CSMD1: variants seen among roughly 807,000 people sequenced by gnomAD.
CSMD1 encodes CUB and sushi domain-containing protein 1.
A neutral mutation model predicts 417.5 loss-of-function variants in CSMD1; 213 were observed. That is an observed-to-expected ratio of 0.51 (90% CI 0.46 to 0.57). CSMD1 has a LOEUF of 0.57. Among genes scored for constraint, CSMD1 ranks in the 20% least tolerant of loss-of-function variants. CSMD1 has a pLI of 0.00. For synonymous variants in CSMD1, 2,862 were observed against 1,736.8 expected (o/e 1.65, Z -16.11); for missense variants, 6,923 against 4,529.7 (o/e 1.53, Z -15.17).
chr8:3,114,472 T>A (rs1050031937), intron 42 of CSMD1, among the ~76,000 whole-genome samples: 1 of 150,230 alleles, frequency 6.7e-6, no homozygotes, highest in Non-Finnish European at 1.5e-5. Flanking sequence ...TATAAAAATA[T>A]CTTGACTCTC....
At chr8:4,316,927 G>A (rs557547983) in intron 3 of CSMD1, among the ~76,000 whole-genome samples, 4 of 150,824 alleles carry the variant, frequency 2.7e-5, no homozygotes, top group African/African-American at 7.3e-5. Flanking sequence ...GCCAGGTACT[G>A]AATGAAAATA....
intron 3 of CSMD1, among the ~76,000 whole-genome samples, chr8:4,184,699 G>C (rs1198423425): frequency 6.6e-6 from 1 of 152,158 alleles, no homozygotes; most frequent in Non-Finnish European, 1.5e-5. Flanking sequence ...CCAGAGGTTG[G>C]AAGGTGGGAG....
At chr8:3,183,008 T>A (rs1404734457) in intron 36 of CSMD1, 4 of 148,538 alleles carry the variant, frequency 2.7e-5, no homozygotes, top group African/African-American at 1.0e-4. Flanking sequence ...TCCGCCCGCC[T>A]CAGCCTCCCA....
At chr8:3,087,357 G>A (rs1169131987) in intron 48 of CSMD1, 72 bp from the exon 49 acceptor site, 1 of 1,475,836 alleles carries the variant, frequency 6.8e-7, no homozygotes. Flanking sequence ...GCCTTTGTGA[G>A]AGTCTATAAA....
intron 1 of CSMD1, among the ~76,000 whole-genome samples, chr8:4,964,957 T>G (rs2117352048): frequency 6.6e-6 from 1 of 152,296 alleles, no homozygotes; most frequent in African/African-American, 2.4e-5. Context: ...GCATATGTAC[T>G]TGCTACCTAT....
intron 9 of CSMD1, among the ~76,000 whole-genome samples, chr8:3,577,501 G>C (rs1473083793): frequency 6.6e-6 from 1 of 152,034 alleles, no homozygotes. Context: ...CCATCAAAAT[G>C]GTCATCTAAA....
intron 7 of CSMD1, among the ~76,000 whole-genome samples, chr8:3,641,084 C>T (rs538723631): frequency 1.6e-5 from 2 of 124,536 alleles, no homozygotes; most frequent in Admixed American, 9.9e-5. Flanking sequence ...TGATTCAGGA[C>T]TCTGAGAAAG....
At chr8:4,569,292 C>A (rs1313122793) in intron 2 of CSMD1, among the ~76,000 whole-genome samples, 1 of 152,186 alleles carries the variant, frequency 6.6e-6, no homozygotes, top group African/African-American at 2.4e-5. Context: ...ACATTTAAGT[C>A]TTTAATCCAT....
intron 5 of CSMD1, among the ~76,000 whole-genome samples, chr8:3,763,693 A>T (rs1278026683): frequency 6.6e-6 from 1 of 152,304 alleles, no homozygotes; most frequent in East Asian, 1.9e-4. Context: ...CTTTGTGGCT[A>T]AACAGTGTCA....
At chr8:3,456,152 C>T (rs948929579) in intron 12 of CSMD1, among the ~76,000 whole-genome samples, 1 of 152,186 alleles carries the variant, frequency 6.6e-6, no homozygotes, top group African/African-American at 2.4e-5. Flanking sequence ...TTGCTAAGAC[C>T]TTTAGAAAAG....
At chr8:4,005,498 A>C (rs1241049308) in intron 4 of CSMD1, among the ~76,000 whole-genome samples, 2 of 152,160 alleles carry the variant, frequency 1.3e-5, no homozygotes, top group East Asian at 1.9e-4. Flanking sequence ...CCAGTTTCAA[A>C]TCATGTGGCG....
intron 1 of CSMD1, among the ~76,000 whole-genome samples, chr8:4,877,146 G>C (rs1433741133): frequency 1.3e-5 from 2 of 151,740 alleles, no homozygotes; most frequent in Non-Finnish European, 2.9e-5. Context: ...TCTTTTTCAT[G>C]ACACATTTTA....
chr8:3,347,876 C>A, intron 22 of CSMD1, 116 bp downstream of exon 22: 2 of 633,374 alleles, frequency 3.2e-6, no homozygotes, highest in Non-Finnish European at 5.0e-6. Context: ...ACAAATAAAT[C>A]ATATATAAAA....
chr8:2,995,096 A>G (rs951611108), intron 54 of CSMD1, among the ~76,000 whole-genome samples: 2 of 152,238 alleles, frequency 1.3e-5, no homozygotes, highest in Non-Finnish European at 2.9e-5. Flanking sequence ...TGTGAAGAGG[A>G]TGAAAGTCAA....
At chr8:4,269,300 G>A (rs2128849717) in intron 3 of CSMD1, among the ~76,000 whole-genome samples, 1 of 152,144 alleles carries the variant, frequency 6.6e-6, no homozygotes, top group South Asian at 2.1e-4. Flanking sequence ...TTGATCTCAG[G>A]TGATCCACCC....
At chr8:4,566,559 A>G (rs1161619380) in intron 2 of CSMD1, among the ~76,000 whole-genome samples, 1 of 147,714 alleles carries the variant, frequency 6.8e-6, no homozygotes, top group Non-Finnish European at 1.5e-5. Context: ...AGGCTGAGGC[A>G]GGAGAGTGGC....
intron 1 of CSMD1, among the ~76,000 whole-genome samples, chr8:4,825,223 T>C (rs1799756053): frequency 6.6e-6 from 1 of 152,122 alleles, no homozygotes; most frequent in Non-Finnish European, 1.5e-5. Context: ...ACTGCACGTT[T>C]AATATACATA....
intron 3 of CSMD1, among the ~76,000 whole-genome samples, chr8:4,388,191 G>C (rs182853307): frequency 2.6e-5 from 4 of 152,086 alleles, no homozygotes; most frequent in Non-Finnish European, 5.9e-5. Context: ...AGGAAAAGAA[G>C]TCATTATACG....
chr8:4,655,761 G>C (rs1008841813), intron 1 of CSMD1, among the ~76,000 whole-genome samples: 1 of 152,048 alleles, frequency 6.6e-6, no homozygotes, highest in African/African-American at 2.4e-5. Flanking sequence ...CACACTAATA[G>C]TATAATTTAC....
Sources: allele counts gnomAD v4.1 joint callset (sites outside exome capture counted in the v4.1 genomes callset), GRCh38; gene constraint gnomAD v4.1.1; transcripts MANE v1.5; gene names NCBI Gene and HGNC (gene_info 2026-07-23, HGNC 2026-07-21).